The following CYP19A1 variants were observed in gnomAD, a reference collection of about 807,000 sequenced individuals.
The protein encoded by CYP19A1 is cytochrome P450 family 19 subfamily A member 1, also known as aromatase.
A neutral mutation model predicts 44.4 loss-of-function variants in CYP19A1; 32 were observed. The observed-to-expected ratio is 0.72, with a 90% CI of 0.54 to 0.97. The LOEUF (loss-of-function observed/expected upper bound fraction) is 0.97, where lower values mean the gene tolerates loss of function less well. CYP19A1 is among the 50% of genes least tolerant of loss of function. CYP19A1 has a pLI of 0.00. For synonymous variants in CYP19A1, 212 were observed against 215.6 expected, an observed-to-expected ratio of 0.98 and a Z score of 0.14; for missense variants, 598 against 637.8, an observed-to-expected ratio of 0.94 and a Z score of 0.67.
intron 1 of CYP19A1, among the ~76,000 whole-genome samples, chr15:51,311,941 C>T (rs960210845): frequency 9.2e-5 from 14 of 152,146 alleles, no homozygotes; most frequent in Non-Finnish European, 2.1e-4. Flanking sequence ...CCTTTATGAA[C>T]TCTTATGTGA....
chr15:51,278,549 T>C (rs2035407403), intron 1 of CYP19A1, among the ~76,000 whole-genome samples: 1 of 152,242 alleles, frequency 6.6e-6, no homozygotes, highest in South Asian at 2.1e-4. Context: ...GGGGCTACTT[T>C]ACAGTCTTTT....
chr15:51,297,425 T>C (rs2036017758), intron 1 of CYP19A1, among the ~76,000 whole-genome samples: 1 of 152,174 alleles, frequency 6.6e-6, no homozygotes, highest in South Asian at 2.1e-4. Flanking sequence ...AAGTGCATTT[T>C]CTCCTTTGTC....
At chr15:51,231,008 T>C (rs562524829) in intron 3 of CYP19A1, among the ~76,000 whole-genome samples, 1 of 152,286 alleles carries the variant, frequency 6.6e-6, no homozygotes, top group Non-Finnish European at 1.5e-5. Context: ...TTCTCTAATA[T>C]CCTCACTTAC....
chr15:51,250,481 GT>G (rs758972982), intron 1 of CYP19A1, among the ~76,000 whole-genome samples: 22 of 152,308 alleles, frequency 1.4e-4, no homozygotes, highest in Non-Finnish European at 3.1e-4. Flanking sequence ...CTGTCTGATG[GT>G]GCTTCTGGTT....
Position 51,215,585 on chromosome 15 carries a change from T to G in CYP19A1, c.858+118A>C, listed in dbSNP as rs2289106. On this transcript the variant is annotated intron_variant, in intron 7 of 9. Coordinates refer to ENST00000396402, the MANE Select transcript of CYP19A1 (RefSeq NM_000103.4). ...GCTATTTGGATTGGGATTACAGAAC[T>G]GCTAGAGAAAGTATTTAAAAGCAGA... 785,087 of 1,575,414 alleles carry G rather than the reference T, an allele frequency of 0.5. 200,801 individuals carry two copies. The highest frequency in any genetic ancestry group is 0.53 in the Non-Finnish European group (615,702 of 1,162,152).
chr15:51,294,112 G>C (rs2035916626), intron 1 of CYP19A1, among the ~76,000 whole-genome samples: 1 of 137,378 alleles, frequency 7.3e-6, no homozygotes, highest in Non-Finnish European at 1.5e-5. Context: ...AGGAAGTGAG[G>C]AGCGTCTCTG....
intron 2 of CYP19A1, among the ~76,000 whole-genome samples, chr15:51,240,638 T>C (rs965788986): frequency 4.6e-5 from 7 of 152,246 alleles, no homozygotes; most frequent in South Asian, 4.2e-4. Flanking sequence ...CCAGAAACCA[T>C]AGGATCTCAC....
At chr15:51,235,639 C>A (rs1270695245) in intron 3 of CYP19A1, among the ~76,000 whole-genome samples, 2 of 152,132 alleles carry the variant, frequency 1.3e-5, no homozygotes, top group Non-Finnish European at 2.9e-5. Context: ...TAAAATAATA[C>A]CAATTTCTCC....
chr15:51,242,828 G>C lies in CYP19A1; in HGVS notation c.85C>G (p.Leu29Val). 1 of 1,579,126 alleles carries C rather than the reference G, an allele frequency of 6.3e-7. No homozygotes were observed. The highest frequency in any genetic ancestry group is 8.7e-7 in the Non-Finnish European group (1 of 1,148,200). The part of the protein sequence containing the change: ...EAMPAATMPV[L>V]LLTGLFLLVW... ...AAGAGAAAAAGGCCAGTGAGGAGCA[G>C]GACTGGCATGGTGGCAGCAGGCATG... The change falls in exon 2 of 10, where the codon CTG becomes GTG. Residue 29 changes from leucine (L) to valine (V), a missense_variant. Leu to Val is a conservative substitution (Grantham distance 32). Coordinates refer to ENST00000396402, the MANE Select transcript of CYP19A1 (RefSeq NM_000103.4).
intron 1 of CYP19A1, among the ~76,000 whole-genome samples, chr15:51,256,577 G>A (rs933103834): frequency 3.9e-5 from 6 of 152,130 alleles, no homozygotes; most frequent in Admixed American, 1.3e-4. Context: ...TGTTAAAATG[G>A]CAAGTGGCAA....
chr15:51,272,160 G>A lies in CYP19A1; in HGVS notation c.-38-29210C>T, dbSNP rs76676235. On this transcript the variant is annotated intron_variant, in intron 1 of 9. Transcript: ENST00000396402. ...GAGTGCCAACTTTCTGTCCATCTTC[G>A]ATTTTTCCCTTCAGTTTTAACCTCA... 8.9e-3 allele frequency among the ~76,000 whole-genome samples: 1,356 copies of A among 152,162 alleles called. 26 individuals carry two copies. Among genetic ancestry groups the A allele is most frequent in the African/African-American group, 0.032 (1,311 of 41,508 alleles).
chr15:51,333,056 G>T (rs915811172), intron 1 of CYP19A1, among the ~76,000 whole-genome samples: 2 of 152,100 alleles, frequency 1.3e-5, no homozygotes, highest in African/African-American at 4.8e-5. Flanking sequence ...GAATTTGTCT[G>T]CAGATCTTGT....
At chr15:51,312,726 C>T (rs1213285189) in intron 1 of CYP19A1, 1 of 152,366 alleles carries the variant, frequency 6.6e-6, no homozygotes, top group Non-Finnish European at 1.5e-5. Flanking sequence ...TCTCCCGCTT[C>T]CATTCCCTCC....
Position 51,283,720 on chromosome 15 carries a change from AG to A in CYP19A1, c.-38-40771del, listed in dbSNP as rs948057026. Reference sequence around the variant, plus strand: ...CTGGTGTATGCCCCCATTGTAAAAAAGGCAATCACTGGGCAAATCAGTGTCG... The same window carrying A: ...CTGGTGTATGCCCCCATTGTAAAAAAGCAATCACTGGGCAAATCAGTGTCG... On this transcript the variant is annotated intron_variant, in intron 1 of 9. Coordinates refer to ENST00000396402, the MANE Select transcript of CYP19A1 (RefSeq NM_000103.4). 3.9e-5 allele frequency among the ~76,000 whole-genome samples: 6 copies of A among 152,362 alleles called. No individual in the cohort carries two copies. The South Asian group carries it at 8.3e-4, about 21-fold the overall frequency.
chr15:51,295,424 C>T (rs1433406871), intron 1 of CYP19A1, among the ~76,000 whole-genome samples: 1 of 152,160 alleles, frequency 6.6e-6, no homozygotes, highest in Non-Finnish European at 1.5e-5. Flanking sequence ...TATGGAGTTA[C>T]TGCCAGATTG....
chr15:51,212,779 C>T (rs1356719919), intron 8 of CYP19A1, among the ~76,000 whole-genome samples: 1 of 152,140 alleles, frequency 6.6e-6, no homozygotes, highest in African/African-American at 2.4e-5. Context: ...ACCTTAAAAA[C>T]TGGTGGAGTT....
chr15:51,288,015 A>G (rs748034763), intron 1 of CYP19A1, among the ~76,000 whole-genome samples: 1 of 152,126 alleles, frequency 6.6e-6, no homozygotes, highest in Non-Finnish European at 1.5e-5. Flanking sequence ...GTTTGACTAA[A>G]TTTCTTAAGG....
chr15:51,219,131 A>G (rs543705821), intron 5 of CYP19A1, among the ~76,000 whole-genome samples: 4 of 152,294 alleles, frequency 2.6e-5, no homozygotes, highest in African/African-American at 9.6e-5. Flanking sequence ...GTTTATCTGG[A>G]TTATACACTT....
At position 51,210,281 on chromosome 15, in the gene CYP19A1, T is replaced by A. The variant is rs1394734617; in HGVS notation, c.*527A>T. On this transcript the variant is annotated 3_prime_UTR_variant, in exon 10 of 10. Coordinates refer to ENST00000396402, the MANE Select transcript of CYP19A1 (RefSeq NM_000103.4). ...TCACAGCAAGGGTCAAATGCTGAATTTCTAAGCATTTCTCCAAAGACTATG... is the reference window on the plus strand; with the variant it reads ...TCACAGCAAGGGTCAAATGCTGAATATCTAAGCATTTCTCCAAAGACTATG... 4.4e-6 allele frequency: 2 copies of A among 455,656 alleles called. No individual in the cohort carries two copies. Among genetic ancestry groups the A allele is most frequent in the Non-Finnish European group, 8.8e-6 (2 of 228,036 alleles). The allele number at this position is 455,656 out of a possible 1,614,324, so 28.2% of individuals were successfully genotyped here.
Sources: gnomAD v4.1 joint callset for allele counts (sites outside exome capture counted in the v4.1 genomes callset) on GRCh38, gnomAD v4.1.1 for gene constraint, MANE v1.5 for transcripts, NCBI Gene and HGNC (gene_info 2026-07-23, HGNC 2026-07-21) for gene names.